The following EPC2 variants were observed in gnomAD, a reference collection of about 807,000 sequenced individuals.
The protein encoded by EPC2 is enhancer of polycomb 2, also known as enhancer of polycomb homolog 2.
In EPC2, 14 loss-of-function variants were observed where a neutral mutation model predicts 92.1. That is an observed-to-expected ratio of 0.15 (90% CI 0.10 to 0.24). The LOEUF (loss-of-function observed/expected upper bound fraction) is 0.24, where lower values mean the gene tolerates loss of function less well. Ranked by LOEUF, EPC2 falls within the 10% of genes least tolerant of loss-of-function variation. EPC2 has a pLI of 1.00. For synonymous variants in EPC2, 340 were observed against 334.7 expected (o/e 1.02, Z -0.17); for missense variants, 755 against 971.5 (o/e 0.78, Z 2.96).
At position 148,786,932 on chromosome 2, in the gene EPC2, A is replaced by G. The variant is rs543785980; in HGVS notation, c.*555A>G. On this transcript the variant is annotated 3_prime_UTR_variant, in exon 14 of 14. Coordinates refer to ENST00000258484, the MANE Select transcript of EPC2 (RefSeq NM_015630.4). ...AGTGGCATTTCACTGTCAAATATGAAGTTCAAGGCAAAATAGTATTTTCTA... is the reference window on the plus strand; with the variant it reads ...AGTGGCATTTCACTGTCAAATATGAGGTTCAAGGCAAAATAGTATTTTCTA... The G allele has an allele frequency of 6.5e-6, 1 of 153,032 alleles. No individual in the cohort carries two copies. Among genetic ancestry groups the G allele is most frequent in the East Asian group, 1.9e-4 (1 of 5,198 alleles). The allele number at this position is 153,032 out of a possible 1,614,324, so 9.5% of individuals were successfully genotyped here.
chr2:148,724,889 C>T (rs16829176), intron 2 of EPC2, among the ~76,000 whole-genome samples: 21,291 of 151,900 alleles, frequency 0.14, 2,430 homozygotes, highest in East Asian at 0.46. Flanking sequence ...TGTTTTGAAG[C>T]GAACATGGAT....
Position 148,685,234 on chromosome 2 carries a change from T to C in EPC2, c.154-4980T>C, listed in dbSNP as rs1421572364. ...TGAACAAAAATTTTTAATTTTAATATAATGGATTTCGTTGAGTTTTTTTTT... is the reference window on the plus strand; with the variant it reads ...TGAACAAAAATTTTTAATTTTAATACAATGGATTTCGTTGAGTTTTTTTTT... On this transcript the variant is annotated intron_variant, in intron 1 of 13. Transcript: ENST00000258484. Among the ~76,000 whole-genome samples, 3 of 107,468 alleles carry C rather than the reference T, an allele frequency of 2.8e-5. No individual in the cohort carries two copies. In the South Asian group the frequency reaches 1.2e-3, roughly 42 times the overall value. The allele number at this position is 107,468 out of a possible 152,430, so 70.5% of individuals were successfully genotyped here. A position where few individuals can be genotyped will look rare whatever the true frequency, so the allele number is the denominator to read the frequency against.
intron 2 of EPC2, among the ~76,000 whole-genome samples, chr2:148,730,784 A>G (rs750373089): frequency 1.2e-4 from 18 of 152,222 alleles, no homozygotes; most frequent in Non-Finnish European, 1.5e-4. Context: ...ACCTACTGAG[A>G]GGCCATTTTA....
In EPC2 at chr2:148,764,985, G is replaced by T. The variant is rs1483439323; in HGVS notation, c.979G>T (p.Ala327Ser). The T allele has an allele frequency of 6.9e-6, 11 of 1,584,174 alleles. No homozygotes were observed. The South Asian group carries it at 1.3e-4, about 19-fold the overall frequency. ...HPHHLSLKEEASDVVRQKKKY... is the reference protein window; with the variant it reads ...HPHHLSLKEESSDVVRQKKKY... Reference sequence around the variant, plus strand: ...TCATCATTTGTCTTTGAAAGAAGAGGCTTCTGATGTGGTTCGTCAAAAGAA... The same window carrying T: ...TCATCATTTGTCTTTGAAAGAAGAGTCTTCTGATGTGGTTCGTCAAAAGAA... The change falls in exon 7 of 14, where the codon GCT becomes TCT. Residue 327 changes from alanine to serine, a missense_variant. Transcript: ENST00000258484.
At chr2:148,677,013 T>C (rs932853667) in intron 1 of EPC2, among the ~76,000 whole-genome samples, 2 of 152,146 alleles carry the variant, frequency 1.3e-5, no homozygotes, top group Non-Finnish European at 2.9e-5. Flanking sequence ...ACGCAGCATG[T>C]AACAATGTAA....
intron 1 of EPC2, chr2:148,645,425 C>G (rs1683776259): frequency 9.7e-6 from 4 of 413,004 alleles, no homozygotes; most frequent in Admixed American, 9.1e-5. Context: ...GGGGCCTTGC[C>G]GTAAGCGGCG....
chr2:148,650,508 A>G (rs1229742425), intron 1 of EPC2, among the ~76,000 whole-genome samples: 3 of 147,214 alleles, frequency 2.0e-5, no homozygotes, highest in Non-Finnish European at 3.0e-5. Context: ...GATTTCTGTG[A>G]GATACTTTTT....
At chr2:148,737,363 T>C (rs1327020830) in intron 2 of EPC2, among the ~76,000 whole-genome samples, 1 of 152,120 alleles carries the variant, frequency 6.6e-6, no homozygotes, top group East Asian at 2.0e-4. Context: ...TTAAATATAT[T>C]CAAAGAGGTC....
At chr2:148,722,278 C>T (rs891590399) in intron 2 of EPC2, among the ~76,000 whole-genome samples, 1 of 152,126 alleles carries the variant, frequency 6.6e-6, no homozygotes, top group Non-Finnish European at 1.5e-5. Flanking sequence ...GTGGGACAGG[C>T]TGTCTAAAGG....
At chr2:148,660,524 C>T (rs1048112398) in intron 1 of EPC2, among the ~76,000 whole-genome samples, 11 of 150,660 alleles carry the variant, frequency 7.3e-5, no homozygotes, top group Non-Finnish European at 1.6e-4. Context: ...TATATGTTGA[C>T]TGTAATCTAT....
intron 2 of EPC2, among the ~76,000 whole-genome samples, chr2:148,736,936 C>CAA (rs34800134): frequency 5.8e-4 from 66 of 114,638 alleles, no homozygotes; most frequent in African/African-American, 1.8e-3. Flanking sequence ...CCCATTTCTA[C>CAA]AAAAAAAAAA....
chr2:148,738,103 G>A (rs1334702756), intron 2 of EPC2, among the ~76,000 whole-genome samples: 1 of 151,872 alleles, frequency 6.6e-6, no homozygotes, highest in African/African-American at 2.4e-5. Flanking sequence ...TCTGTTACCC[G>A]TAAAGATTTA....
intron 2 of EPC2, among the ~76,000 whole-genome samples, chr2:148,709,385 G>A (rs1035404463): frequency 1.3e-5 from 2 of 152,186 alleles, no homozygotes; most frequent in African/African-American, 4.8e-5. Flanking sequence ...CTCATGGATA[G>A]GAAGAATCAA....
chr2:148,766,078 A>G lies in EPC2; in HGVS notation c.1140+932A>G, dbSNP rs148137170. On this transcript the variant is annotated intron_variant, in intron 7 of 13. Coordinates refer to ENST00000258484, the MANE Select transcript of EPC2 (RefSeq NM_015630.4). ...CAAAAAAAAGATCCATTTTTTTTTTAAATATTGTGTATCACCTGCTCTAGC... is the reference window on the plus strand; with the variant it reads ...CAAAAAAAAGATCCATTTTTTTTTTGAATATTGTGTATCACCTGCTCTAGC... 1.2e-3 allele frequency among the ~76,000 whole-genome samples: 181 copies of G among 152,040 alleles called. 3 individuals are homozygous for G. The East Asian group carries it at 0.026, about 22-fold the overall frequency.
chr2:148,648,678 C>T (rs900533987), intron 1 of EPC2, among the ~76,000 whole-genome samples: 14 of 152,010 alleles, frequency 9.2e-5, no homozygotes, highest in Non-Finnish European at 1.9e-4. Context: ...TAAGGCCTGT[C>T]TCTTCTGTGT....
At chr2:148,767,423 G>A (rs778021711) in intron 7 of EPC2, among the ~76,000 whole-genome samples, 1 of 151,856 alleles carries the variant, frequency 6.6e-6, no homozygotes, top group Non-Finnish European at 1.5e-5. Flanking sequence ...AAACTTTTAG[G>A]TTCTTCTGAT....
chr2:148,678,910 C>T (rs972727896), intron 1 of EPC2, among the ~76,000 whole-genome samples: 23 of 152,356 alleles, frequency 1.5e-4, no homozygotes, highest in East Asian at 9.6e-4. Context: ...GCGCCAAGAG[C>T]GAGCGAGGGC....
At chr2:148,730,008 G>A (rs1419856364) in intron 2 of EPC2, among the ~76,000 whole-genome samples, 4 of 152,330 alleles carry the variant, frequency 2.6e-5, no homozygotes, top group Admixed American at 6.5e-5. Flanking sequence ...CTTGATTATG[G>A]CATGAACCTG....
chr2:148,732,527 C>T (rs1056233111), intron 2 of EPC2, among the ~76,000 whole-genome samples: 6 of 152,048 alleles, frequency 3.9e-5, no homozygotes, highest in African/African-American at 9.6e-5. Context: ...ACTATAGGTG[C>T]GCGCTACTGT....
Sources: allele counts gnomAD v4.1 joint callset (sites outside exome capture counted in the v4.1 genomes callset), GRCh38; gene constraint gnomAD v4.1.1; transcripts MANE v1.5; gene names NCBI Gene and HGNC (gene_info 2026-07-23, HGNC 2026-07-21).